The following JARID2 variants were observed in gnomAD, a reference collection of about 807,000 sequenced individuals.
The protein encoded by JARID2 is protein Jumonji.
In JARID2, 21 loss-of-function variants were observed where a neutral mutation model predicts 125.6. The ratio of observed to expected loss-of-function variants is 0.17; its 90% confidence interval spans 0.12 to 0.24. The LOEUF (loss-of-function observed/expected upper bound fraction) is 0.24. Ranked by LOEUF, JARID2 falls within the 10% of genes least tolerant of loss-of-function variation. The pLI is 1.00. For synonymous variants in JARID2, 736 were observed against 661.6 expected, an observed-to-expected ratio of 1.11 and a Z score of -1.73; for missense variants, 1,303 against 1,639.6, an observed-to-expected ratio of 0.79 and a Z score of 3.55.
At chr6:15,505,925 G>A (rs1449695900) in intron 9 of JARID2, among the ~76,000 whole-genome samples, 1 of 152,254 alleles carries the variant, frequency 6.6e-6, no homozygotes, top group Non-Finnish European at 1.5e-5. Flanking sequence ...GACCTGGGAA[G>A]AGGCCTTTAT....
intron 11 of JARID2, 63 bp downstream of exon 11, chr6:15,507,479 C>G (rs1397537574): frequency 3.2e-5 from 46 of 1,425,802 alleles, no homozygotes; most frequent in Non-Finnish European, 4.3e-5. Flanking sequence ...TTGCTGAGAA[C>G]CAGGGCTGGG....
intron 1 of JARID2, among the ~76,000 whole-genome samples, chr6:15,310,756 A>G (rs909940522): frequency 3.0e-4 from 45 of 152,318 alleles, no homozygotes; most frequent in African/African-American, 1.1e-3. Flanking sequence ...CAGTTCTGGA[A>G]GTTGAGATTT....
intron 3 of JARID2, among the ~76,000 whole-genome samples, chr6:15,424,243 C>G (rs932263807): frequency 6.6e-6 from 1 of 151,494 alleles, no homozygotes; most frequent in Non-Finnish European, 1.5e-5. Flanking sequence ...TCTGGAATTA[C>G]AGTCATGAGC....
At chr6:15,494,434 G>GA (rs1770307710) in intron 6 of JARID2, among the ~76,000 whole-genome samples, 4 of 6,726 alleles carry the variant, frequency 5.9e-4, no homozygotes, top group African/African-American at 2.3e-3. Flanking sequence ...TTTTTTTTTT[G>GA]AGACAAGAGT....
At chr6:15,393,652 G>A (rs9476821) in intron 2 of JARID2, among the ~76,000 whole-genome samples, 1,913 of 152,206 alleles carry the variant, frequency 0.013, 37 homozygotes, top group African/African-American at 0.044. Flanking sequence ...GGTTATTTCT[G>A]GTCTTCTCCA....
chr6:15,275,532 C>CA (rs1760466169), intron 1 of JARID2, among the ~76,000 whole-genome samples: 3 of 30,214 alleles, frequency 9.9e-5, no homozygotes, highest in African/African-American at 2.8e-4. Flanking sequence ...CCGCCCCCCC[C>CA]GCCCCCCCCC....
intron 5 of JARID2, among the ~76,000 whole-genome samples, chr6:15,481,580 G>A (rs1049041058): frequency 3.9e-5 from 6 of 152,074 alleles, no homozygotes; most frequent in African/African-American, 1.4e-4. Context: ...ATGAGCTGTT[G>A]AGTACAAAAT....
At chr6:15,444,014 G>A (rs1581572589) in intron 3 of JARID2, among the ~76,000 whole-genome samples, 1 of 152,206 alleles carries the variant, frequency 6.6e-6, no homozygotes, top group African/African-American at 2.4e-5. Context: ...ACTTAATTAA[G>A]ACAAGTGCTG....
At position 15,401,570 on chromosome 6, in the gene JARID2, C is replaced by G. The variant is rs2299052; in HGVS notation, c.182-8654C>G. 1.6e-4 allele frequency among the ~76,000 whole-genome samples: 24 copies of G among 152,282 alleles called. No homozygotes were observed. The East Asian group carries it at 4.4e-3, about 28-fold the overall frequency. ...CCATTAATCCTTTCTTTTTCTTCCT[C>G]CATCATCTTTCCTTGAAAGATGGAG... On this transcript the variant is annotated intron_variant, in intron 2 of 17. Coordinates refer to ENST00000341776, the MANE Select transcript of JARID2 (RefSeq NM_004973.4).
intron 1 of JARID2, among the ~76,000 whole-genome samples, chr6:15,258,339 C>G (rs1287392712): frequency 6.6e-6 from 1 of 152,158 alleles, no homozygotes; most frequent in African/African-American, 2.4e-5. Flanking sequence ...AGTTGAGGAT[C>G]TCTGCTCTGT....
chr6:15,386,165 C>G (rs1581487465), intron 2 of JARID2, among the ~76,000 whole-genome samples: 1 of 152,114 alleles, frequency 6.6e-6, no homozygotes, highest in African/African-American at 2.4e-5. Flanking sequence ...ACAAGGCCAC[C>G]TAGCAGAGAA....
At position 15,452,127 on chromosome 6, in the gene JARID2, A is replaced by C. The variant is rs377723819; in HGVS notation, c.445A>C (p.Lys149Gln). ...AGCTACTCAGATATCAGACCTCTCT[A>C]AAAGGAAGCCTAAGACAGAAGATTT... is the stretch of plus-strand genomic sequence containing the variant. The part of the protein sequence containing the change: ...PPATQISDLS[K>Q]RKPKTEDFLT... The change falls in exon 4 of 18, where the codon AAA (lysine) becomes CAA (glutamine). Residue 149 changes from lysine to glutamine, a missense_variant. This residue lies in a region of JARID2 where 42 missense variants were observed against 35.7 expected (regional missense o/e 1.18). Coordinates refer to ENST00000341776, the MANE Select transcript of JARID2 (RefSeq NM_004973.4). The C allele has an allele frequency of 2.5e-6, 4 of 1,614,000 alleles. No individual in the cohort carries two copies. The highest frequency in any genetic ancestry group is 1.6e-4 in the Middle Eastern group (1 of 6,084).
chr6:15,310,626 G>C, intron 1 of JARID2, among the ~76,000 whole-genome samples: 1 of 152,186 alleles, frequency 6.6e-6, no homozygotes, highest in East Asian at 1.9e-4. Context: ...GGAAGGGGAT[G>C]CCCTTCTACA....
At chr6:15,268,287 T>C (rs144743243) in intron 1 of JARID2, among the ~76,000 whole-genome samples, 2,815 of 152,326 alleles carry the variant, frequency 0.018, 87 homozygotes, top group African/African-American at 0.063. Context: ...GTGGATATCT[T>C]GCTGCTGCTA....
chr6:15,258,734 A>G (rs1451637139), intron 1 of JARID2, among the ~76,000 whole-genome samples: 1 of 152,190 alleles, frequency 6.6e-6, no homozygotes, highest in Non-Finnish European at 1.5e-5. Context: ...GTGAGCCGAG[A>G]TTGCGCCACT....
intron 5 of JARID2, among the ~76,000 whole-genome samples, chr6:15,473,514 G>GCCCCCCCCCCCCCC (rs3841758): frequency 5.7e-5 from 2 of 35,068 alleles, no homozygotes; most frequent in Non-Finnish European, 7.4e-5. Flanking sequence ...TGATGTGCGT[G>GCCCCCCCCCCCCCC]CCCCCCCCCC....
intron 3 of JARID2, among the ~76,000 whole-genome samples, chr6:15,432,750 C>A (rs1362146773): frequency 6.6e-6 from 1 of 152,232 alleles, no homozygotes; most frequent in South Asian, 2.1e-4. Flanking sequence ...CCCTCCAGAC[C>A]CTGTTCTCCT....
chr6:15,400,475 G>A (rs1765381948), intron 2 of JARID2, among the ~76,000 whole-genome samples: 1 of 152,040 alleles, frequency 6.6e-6, no homozygotes, highest in Non-Finnish European at 1.5e-5. Flanking sequence ...CGCTGTCTGT[G>A]GGGGTGGGGT....
intron 5 of JARID2, among the ~76,000 whole-genome samples, chr6:15,475,505 A>G (rs1332293954): frequency 1.3e-5 from 2 of 152,202 alleles, no homozygotes; most frequent in Non-Finnish European, 2.9e-5. Flanking sequence ...TTTCTCTTGC[A>G]TAATCGCCTA....
Sources: allele counts gnomAD v4.1 joint callset (sites outside exome capture counted in the v4.1 genomes callset), GRCh38; gene constraint gnomAD v4.1.1; regional missense constraint gnomAD v4.1.1; transcripts MANE v1.5; gene names NCBI Gene and HGNC (gene_info 2026-07-23, HGNC 2026-07-21).